The following SPRY3 variants were observed in gnomAD, a reference collection of about 807,000 sequenced individuals.
The protein encoded by SPRY3 is sprouty RTK signaling antagonist 3, also known as protein sprouty homolog 3.
A neutral mutation model predicts 20.2 loss-of-function variants in SPRY3; 15 were observed. The observed-to-expected ratio is 0.74, with a 90% CI of 0.50 to 1.14. The LOEUF is 1.14. Among genes scored for constraint, SPRY3 ranks in the 50% most tolerant of loss-of-function variants. The pLI, the probability that SPRY3 is intolerant of heterozygous loss-of-function variation, is 0.00. For synonymous variants in SPRY3, 143 were observed against 136.5 expected, an observed-to-expected ratio of 1.05 and a Z score of -0.33; for missense variants, 364 against 363.9, an observed-to-expected ratio of 1.00 and a Z score of 0.00.
At chrX:155,643,965 A>G (rs1487240433) in intron 1 of SPRY3, among the ~76,000 whole-genome samples, 1 of 111,445 alleles carries the variant, frequency 9.0e-6, no homozygotes, top group African/African-American at 3.3e-5. Flanking sequence ...ACTATTACCA[A>G]TGAGTTTTGA....
downstream of SPRY3, chrX:155,777,505 G>A (rs2091434747): frequency 6.0e-6 from 1 of 166,506 alleles, no homozygotes; most frequent in Admixed American, 6.6e-5. Flanking sequence ...GCAATCTGCT[G>A]TTGAGTCAGG....
chrX:155,706,138 A>G (rs1368326106), intron 2 of SPRY3, among the ~76,000 whole-genome samples: 1 of 151,344 alleles, frequency 6.6e-6, no homozygotes, highest in South Asian at 2.1e-4. Flanking sequence ...CAGCAAATTT[A>G]AAAGAATATT....
intron 2 of SPRY3, among the ~76,000 whole-genome samples, chrX:155,766,403 C>G (rs1284179063): frequency 1.3e-5 from 2 of 152,114 alleles, no homozygotes; most frequent in African/African-American, 2.4e-5. Context: ...AAGAAAATTG[C>G]TAAGGTCACA....
At chrX:155,617,823 T>C (rs979701747) in intron 1 of SPRY3, among the ~76,000 whole-genome samples, 2 of 111,771 alleles carry the variant, frequency 1.8e-5, no homozygotes, top group Admixed American at 9.5e-5. Flanking sequence ...AATCCAGTAA[T>C]AGGCCGACAT....
chrX:155,700,258 C>T (rs1272414254), intron 2 of SPRY3, among the ~76,000 whole-genome samples: 3 of 103,405 alleles, frequency 2.9e-5, no homozygotes, highest in East Asian at 6.1e-4. Context: ...TTCACACTTA[C>T]TATGATGACT....
intron 1 of SPRY3, among the ~76,000 whole-genome samples, chrX:155,633,942 G>T (rs1367310808): frequency 1.8e-5 from 2 of 111,218 alleles, no homozygotes; most frequent in Non-Finnish European, 3.8e-5. Context: ...TTAGCTGGGC[G>T]TGGTGGCATG....
intron 2 of SPRY3, among the ~76,000 whole-genome samples, chrX:155,695,606 AT>A (rs1198511903): frequency 9.0e-6 from 1 of 110,558 alleles, no homozygotes. Context: ...TATACTGAAC[AT>A]TTTGATATTG....
intron 2 of SPRY3, among the ~76,000 whole-genome samples, chrX:155,686,147 C>T (rs1467491885): frequency 9.0e-6 from 1 of 111,164 alleles, no homozygotes; most frequent in African/African-American, 3.3e-5. Flanking sequence ...TTTTTTATTT[C>T]TTTGCTGATA....
chrX:155,756,456 C>T (rs974716248), intron 2 of SPRY3, among the ~76,000 whole-genome samples: 6 of 152,106 alleles, frequency 3.9e-5, no homozygotes, highest in Non-Finnish European at 5.9e-5. Flanking sequence ...ACTGTAGACA[C>T]AGGGACCTAG....
intron 2 of SPRY3, among the ~76,000 whole-genome samples, chrX:155,760,311 A>G (rs945304579): frequency 6.6e-6 from 1 of 152,204 alleles, no homozygotes; most frequent in Non-Finnish European, 1.5e-5. Flanking sequence ...TCACAAAACT[A>G]ATTTATGGAA....
At chrX:155,752,166 G>A (rs1410979565) in intron 2 of SPRY3, among the ~76,000 whole-genome samples, 1 of 151,512 alleles carries the variant, frequency 6.6e-6, no homozygotes, top group African/African-American at 2.4e-5. Context: ...TAAAGTCAAA[G>A]TGAATATCCT....
At chrX:155,741,755 A>C (rs190352243) in intron 2 of SPRY3, among the ~76,000 whole-genome samples, 1 of 152,280 alleles carries the variant, frequency 6.6e-6, no homozygotes, top group African/African-American at 2.4e-5. Flanking sequence ...GAGCTTCATA[A>C]GCAAAAGAGA....
At chrX:155,721,187 A>G (rs2091054807) in intron 2 of SPRY3, among the ~76,000 whole-genome samples, 2 of 152,284 alleles carry the variant, frequency 1.3e-5, no homozygotes, top group African/African-American at 2.4e-5. Context: ...AACAGAATTG[A>G]TCAGGCAGAA....
chrX:155,660,426 G>T (rs1378208046), intron 2 of SPRY3, among the ~76,000 whole-genome samples: 1 of 111,902 alleles, frequency 8.9e-6, no homozygotes, highest in Non-Finnish European at 1.9e-5. Flanking sequence ...ATTGAGACTG[G>T]CTTTGTGGCC....
chrX:155,721,365 G>A (rs1362354729), intron 2 of SPRY3, among the ~76,000 whole-genome samples: 1 of 152,114 alleles, frequency 6.6e-6, no homozygotes, highest in African/African-American at 2.4e-5. Context: ...TACAGGGGTA[G>A]GGGAGGGTAG....
chrX:155,759,865 A>T (rs1469829569), intron 2 of SPRY3, among the ~76,000 whole-genome samples: 1 of 152,220 alleles, frequency 6.6e-6, no homozygotes, highest in African/African-American at 2.4e-5. Context: ...ATAGTGCAGT[A>T]CATGCTCTGA....
chrX:155,763,871 A>G (rs1163211280), intron 2 of SPRY3, among the ~76,000 whole-genome samples: 1 of 152,108 alleles, frequency 6.6e-6, no homozygotes, highest in Non-Finnish European at 1.5e-5. Flanking sequence ...TTCTTTCAAT[A>G]TGTTTTTGAG....
intron 2 of SPRY3, among the ~76,000 whole-genome samples, chrX:155,746,286 T>C (rs1356785257): frequency 1.3e-5 from 2 of 152,082 alleles, no homozygotes; most frequent in East Asian, 1.9e-4. Context: ...TTTGCAGAAA[T>C]AAATTGATTC....
chrX:155,714,358 C>T (rs986637007), intron 2 of SPRY3, among the ~76,000 whole-genome samples: 1 of 152,052 alleles, frequency 6.6e-6, no homozygotes, highest in Non-Finnish European at 1.5e-5. Flanking sequence ...GGAAGACTTT[C>T]CAGGTATTCA....
Sources: allele counts gnomAD v4.1 joint callset (sites outside exome capture counted in the v4.1 genomes callset), GRCh38; gene constraint gnomAD v4.1.1; transcripts MANE v1.5; gene names NCBI Gene and HGNC (gene_info 2026-07-23, HGNC 2026-07-21).